TCF12: variants seen among roughly 807,000 people sequenced by gnomAD.
TCF12 encodes DNA-binding protein HTF4.
In TCF12, 45 loss-of-function variants were observed where a neutral mutation model predicts 86.0. The ratio of observed to expected loss-of-function variants is 0.52; its 90% CI spans 0.41 to 0.67. TCF12 has a LOEUF of 0.67. TCF12 is among the 30% of genes least tolerant of loss of function. The pLI is 0.00. For synonymous variants in TCF12, 330 were observed against 299.6 expected (o/e 1.10, Z -1.05); for missense variants, 881 against 859.9 (o/e 1.02, Z -0.31).
At chr15:56,956,661 G>A (rs1186199816) in intron 3 of TCF12, among the ~76,000 whole-genome samples, 1 of 152,048 alleles carries the variant, frequency 6.6e-6, no homozygotes, top group Non-Finnish European at 1.5e-5. Context: ...CCTGGGTACA[G>A]AATTCTAGAT....
intron 5 of TCF12, among the ~76,000 whole-genome samples, chr15:57,110,192 C>T (rs2050394910): frequency 6.6e-6 from 1 of 151,962 alleles, no homozygotes; most frequent in African/African-American, 2.4e-5. Flanking sequence ...TTCTAAGGGT[C>T]AATAAAATAC....
intron 3 of TCF12, among the ~76,000 whole-genome samples, chr15:56,958,951 A>C (rs1254034642): frequency 6.6e-6 from 1 of 152,122 alleles, no homozygotes; most frequent in Non-Finnish European, 1.5e-5. Flanking sequence ...TGAAACTGGA[A>C]ATGAGTTTCA....
intron 3 of TCF12, among the ~76,000 whole-genome samples, chr15:56,941,486 C>T (rs1199758096): frequency 4.0e-5 from 6 of 151,796 alleles, no homozygotes; most frequent in Non-Finnish European, 8.8e-5. Context: ...AATTCTCCTG[C>T]CTCAGCTTCC....
chr15:57,269,882 G>T (rs1255377614), intron 18 of TCF12, among the ~76,000 whole-genome samples: 1 of 152,076 alleles, frequency 6.6e-6, no homozygotes, highest in Non-Finnish European at 1.5e-5. Context: ...TGAAATATTG[G>T]CCCCGACTCT....
chr15:57,250,028 C>A (rs1343207509), intron 13 of TCF12, among the ~76,000 whole-genome samples: 1 of 151,580 alleles, frequency 6.6e-6, no homozygotes, highest in Non-Finnish European at 1.5e-5. Context: ...GAACTTGTAT[C>A]TTTTCTTTTT....
At chr15:57,181,947 A>G (rs950310273) in intron 6 of TCF12, among the ~76,000 whole-genome samples, 8 of 152,150 alleles carry the variant, frequency 5.3e-5, no homozygotes, top group African/African-American at 1.7e-4. Context: ...TATTTTAGAT[A>G]TATGTATTTC....
rs79091476 is a variant in TCF12, at chr15:57,083,344, A to G, written c.223-8445A>G. 2.5e-3 allele frequency among the ~76,000 whole-genome samples: 375 copies of G among 152,240 alleles called. 2 individuals are homozygous for G. Among genetic ancestry groups the G allele is most frequent in the African/African-American group, 8.5e-3 (353 of 41,550 alleles). Reference sequence around the variant, plus strand: ...CTTGTTGATGTTTGCATTTCAGTGGAGATAAAAAGAGATTTTTTTCCTGCT... The same window carrying G: ...CTTGTTGATGTTTGCATTTCAGTGGGGATAAAAAGAGATTTTTTTCCTGCT... On this transcript the variant is annotated intron_variant, in intron 4 of 20. Coordinates refer to ENST00000333725, the MANE Select transcript of TCF12 (RefSeq NM_207037.2).
At chr15:57,256,856 A>T (rs960946) in intron 16 of TCF12, among the ~76,000 whole-genome samples, 1 of 152,040 alleles carries the variant, frequency 6.6e-6, no homozygotes, top group African/African-American at 2.4e-5. Flanking sequence ...GAGCATTCAG[A>T]TGACATTTTT....
intron 3 of TCF12, among the ~76,000 whole-genome samples, chr15:56,974,560 T>G (rs1244526418): frequency 6.6e-6 from 1 of 152,106 alleles, no homozygotes; most frequent in African/African-American, 2.4e-5. Context: ...AATATCCACT[T>G]TGTTAGATTC....
At position 57,067,279 on chromosome 15, in the gene TCF12, G is replaced by T. The variant is rs563541173; in HGVS notation, c.222+3456G>T. Among the ~76,000 whole-genome samples the T allele has an allele frequency of 2.0e-5, 3 of 152,220 alleles. No individual in the cohort carries two copies. In the South Asian group the frequency reaches 6.2e-4, roughly 32 times the overall value. On this transcript the variant is annotated intron_variant, in intron 4 of 20. Transcript: ENST00000333725. ...TTATAGGCCGGGCGCGGTGGCTCAC[G>T]CCTGTAATCCCAGCACTTTGGGAGG...
intron 3 of TCF12, among the ~76,000 whole-genome samples, chr15:57,009,143 C>G (rs1195571536): frequency 6.6e-6 from 1 of 152,140 alleles, no homozygotes; most frequent in Non-Finnish European, 1.5e-5. Flanking sequence ...GGGTCCTTCT[C>G]TGTCACTCAC....
At chr15:57,188,102 G>A (rs565895132) in intron 6 of TCF12, among the ~76,000 whole-genome samples, 1 of 152,042 alleles carries the variant, frequency 6.6e-6, no homozygotes, top group East Asian at 1.9e-4. Flanking sequence ...AATAAATTTA[G>A]TAAAGTTGCA....
chr15:57,266,132 G>C lies in TCF12; in HGVS notation c.1745+2858G>C, dbSNP rs568515968. ...TTATTTATTTATTTATTTATTTAAA[G>C]ACAGGGTCTCGCTGTCACCCAGGCT... is the stretch of plus-strand genomic sequence containing the variant. On this transcript the variant is annotated intron_variant, in intron 18 of 20. Transcript: ENST00000333725. Among the ~76,000 whole-genome samples the C allele has an allele frequency of 2.7e-4, 41 of 150,074 alleles. 1 individual carries two copies. The South Asian group carries it at 5.1e-3, about 19-fold the overall frequency.
chr15:57,132,097 G>A (rs1275343549), intron 5 of TCF12, among the ~76,000 whole-genome samples: 1 of 152,116 alleles, frequency 6.6e-6, no homozygotes, highest in Non-Finnish European at 1.5e-5. Flanking sequence ...GTAGTAGTGA[G>A]CTAAAATTGT....
intron 5 of TCF12, among the ~76,000 whole-genome samples, chr15:57,095,103 G>A (rs1183961487): frequency 6.6e-6 from 1 of 152,142 alleles, no homozygotes; most frequent in African/African-American, 2.4e-5. Flanking sequence ...TGTCAATATG[G>A]GAAAGAGGGC....
chr15:57,280,892 T>C (rs1019403710), intron 19 of TCF12, among the ~76,000 whole-genome samples: 2 of 152,208 alleles, frequency 1.3e-5, no homozygotes, highest in African/African-American at 2.4e-5. Flanking sequence ...TTTTAATCCA[T>C]TTATAAAAAT....
chr15:57,200,756 C>T (rs2057503056), intron 8 of TCF12, among the ~76,000 whole-genome samples: 1 of 152,130 alleles, frequency 6.6e-6, no homozygotes, highest in Non-Finnish European at 1.5e-5. Flanking sequence ...ATTTAGGTAT[C>T]ATAAGTGCAT....
At chr15:57,094,285 A>G (rs1307612710) in intron 5 of TCF12, among the ~76,000 whole-genome samples, 1 of 152,224 alleles carries the variant, frequency 6.6e-6, no homozygotes, top group Non-Finnish European at 1.5e-5. Context: ...GATTAAGTAG[A>G]TAGGTTCAAA....
chr15:57,042,522 T>C (rs1596268977), intron 3 of TCF12, among the ~76,000 whole-genome samples: 1 of 152,268 alleles, frequency 6.6e-6, no homozygotes, highest in Middle Eastern at 3.4e-3. Context: ...GAATTGATCA[T>C]CCTGCCTCTG....
Sources: gnomAD v4.1 joint callset for allele counts (sites outside exome capture counted in the v4.1 genomes callset) on GRCh38, gnomAD v4.1.1 for gene constraint, MANE v1.5 for transcripts, NCBI Gene and HGNC (gene_info 2026-07-23, HGNC 2026-07-21) for gene names.